Variants in PGGT1B observed in about 807,000 individuals in gnomAD.
PGGT1B encodes the protein geranylgeranyl transferase type-1 subunit beta.
Under a neutral mutation model 46.1 loss-of-function variants are expected in PGGT1B, and 30 were observed. The ratio of observed to expected loss-of-function variants is 0.65; its 90% confidence interval spans 0.49 to 0.88. PGGT1B has a LOEUF of 0.88. Among genes scored for constraint, PGGT1B ranks in the 40% least tolerant of loss-of-function variants. The pLI is 0.00. For missense variants in PGGT1B, 376 were observed against 455.9 expected (o/e 0.82, Z 1.60); for synonymous variants, 170 against 160.0 (o/e 1.06, Z -0.47).
At chr5:115,232,206 C>T (rs1488561344) in intron 5 of PGGT1B, among the ~76,000 whole-genome samples, 1 of 152,012 alleles carries the variant, frequency 6.6e-6, no homozygotes, top group African/African-American at 2.4e-5. Flanking sequence ...GATAATATTG[C>T]TGTTTGAGAC....
chr5:115,254,883 G>A (rs148918135), intron 1 of PGGT1B, among the ~76,000 whole-genome samples: 2 of 152,160 alleles, frequency 1.3e-5, no homozygotes, highest in East Asian at 3.9e-4. Context: ...ATTTGAATTA[G>A]AGAGGTAATT....
At chr5:115,223,114 TA>T (rs970358115) in intron 6 of PGGT1B, among the ~76,000 whole-genome samples, 2,337 of 133,276 alleles carry the variant, frequency 0.018, 50 homozygotes, top group African/African-American at 0.058. Flanking sequence ...ACTTAAAGTA[TA>T]AAAAAAAAAA....
In PGGT1B at chr5:115,204,022, A is replaced by G. The variant is rs1024720202; in HGVS notation, c.*8380T>C. The stretch of plus-strand genomic sequence containing the variant: ...CCATTTGAGAAAACGTTTTCTTTGC[A>G]TATCTGAGTATTTATTATGTTTTCG... On this transcript the variant is annotated 3_prime_UTR_variant, in exon 9 of 9. Transcript: ENST00000419445. The G allele has an allele frequency of 1.3e-5, 2 of 152,132 alleles. No individual in the cohort carries two copies. Among genetic ancestry groups the G allele is most frequent in the African/African-American group, 4.8e-5 (2 of 41,424 alleles). 9.4% of individuals were successfully genotyped at this position (152,132 alleles called of 1,614,324 possible). A position where few individuals can be genotyped will look rare whatever the true frequency, so the allele number is the denominator to read the frequency against.
chr5:115,235,622 C>T (rs1386946979), intron 5 of PGGT1B, among the ~76,000 whole-genome samples: 1 of 152,096 alleles, frequency 6.6e-6, no homozygotes, highest in Non-Finnish European at 1.5e-5. Flanking sequence ...AAATTCTTAT[C>T]ACCCACCCTC....
chr5:115,227,865 G>A (rs1484085396), intron 6 of PGGT1B, among the ~76,000 whole-genome samples: 5 of 152,158 alleles, frequency 3.3e-5, no homozygotes, highest in Non-Finnish European at 7.3e-5. Context: ...ATGGTAGTGG[G>A]CAAACAGCAG....
intron 1 of PGGT1B, among the ~76,000 whole-genome samples, chr5:115,254,752 C>T (rs1028792486): frequency 1.3e-5 from 2 of 152,052 alleles, no homozygotes; most frequent in South Asian, 2.1e-4. Context: ...GATTTGGGTG[C>T]ACTTCAGAAA....
rs548127514 is a variant in PGGT1B at position 115,257,932 on chromosome 5, T to G, written c.141-4677A>C. ...TACTAGCACATAGATGCTGCCATAA[T>G]ACTTCGAAACAAATGACTGAAAGAC... On this transcript the variant is annotated intron_variant, in intron 1 of 8. Coordinates refer to ENST00000419445, the MANE Select transcript of PGGT1B (RefSeq NM_005023.4). Among the ~76,000 whole-genome samples, 55 of 152,348 alleles carry G rather than the reference T, an allele frequency of 3.6e-4. No homozygotes were observed. The South Asian group carries it at 4.6e-3, about 13-fold the overall frequency.
chr5:115,258,496 A>G (rs1748419123), intron 1 of PGGT1B, among the ~76,000 whole-genome samples: 1 of 152,184 alleles, frequency 6.6e-6, no homozygotes, highest in Non-Finnish European at 1.5e-5. Context: ...GCTTTCCATG[A>G]TCTGATGCAT....
intron 4 of PGGT1B, 100 bp downstream of exon 4, chr5:115,237,758 G>C: frequency 1.0e-6 from 1 of 964,678 alleles, no homozygotes. Context: ...GGTTCTAATA[G>C]AGTATGATCC....
intron 1 of PGGT1B, among the ~76,000 whole-genome samples, chr5:115,261,461 C>T (rs1258107469): frequency 6.6e-6 from 1 of 152,140 alleles, no homozygotes; most frequent in Non-Finnish European, 1.5e-5. Flanking sequence ...GAAACAATTG[C>T]CACTGGCCAA....
chr5:115,260,380 T>G (rs376912319), intron 1 of PGGT1B, among the ~76,000 whole-genome samples: 3 of 152,084 alleles, frequency 2.0e-5, no homozygotes, highest in African/African-American at 7.2e-5. Flanking sequence ...CCTAGACACA[T>G]GGGGAGGCAC....
chr5:115,258,324 G>C (rs1016417971), intron 1 of PGGT1B, among the ~76,000 whole-genome samples: 2 of 152,074 alleles, frequency 1.3e-5, no homozygotes, highest in African/African-American at 4.8e-5. Flanking sequence ...CTCTTTTCTA[G>C]CCCTACTTCA....
chr5:115,221,183 C>T (rs1756575866), intron 7 of PGGT1B, among the ~76,000 whole-genome samples: 1 of 151,858 alleles, frequency 6.6e-6, no homozygotes, highest in African/African-American at 2.4e-5. Context: ...ACTCCTCTAA[C>T]AGACTCCTGT....
intron 7 of PGGT1B, among the ~76,000 whole-genome samples, chr5:115,219,970 AATGGAACTCTC>A (rs1756537605): frequency 2.0e-5 from 3 of 151,872 alleles, no homozygotes; most frequent in African/African-American, 7.2e-5. Context: ...ATGTAGAGAA[AATGGAACTCTC>A]ATACATTGCT....
In PGGT1B at chr5:115,221,917, C is replaced by T. The variant is rs1561471906; in HGVS notation, c.750G>A (p.Arg250=). 2 of 1,608,250 alleles carry T rather than the reference C, an allele frequency of 1.2e-6. No individual in the cohort carries two copies. The highest frequency in any genetic ancestry group is 1.7e-6 in the Non-Finnish European group (2 of 1,176,392). The stretch of plus-strand genomic sequence containing the variant: ...CATTTTGTTGCCTCATTATACACCA[C>T]CTCTTTATCCTGTTCAATTCTTTTT... The part of the protein sequence containing the change: ...FSEKELNRIK[R]WCIMRQQNGY... Residue 250 remains arginine (R), a synonymous_variant, in exon 7 of 9, where the codon AGG becomes AGA. Transcript: ENST00000419445.
rs1435689366 is a variant in PGGT1B at position 115,204,647 on chromosome 5, T to C, written c.*7755A>G. 1.3e-5 allele frequency: 2 copies of C among 152,094 alleles called. No individual in the cohort carries two copies. Among genetic ancestry groups the C allele is most frequent in the African/African-American group, 4.8e-5 (2 of 41,408 alleles). 9.4% of individuals were successfully genotyped at this position (152,094 alleles called of 1,614,324 possible). On this transcript the variant is annotated 3_prime_UTR_variant, in exon 9 of 9. Coordinates refer to ENST00000419445, the MANE Select transcript of PGGT1B (RefSeq NM_005023.4). ...GGCACTCTCATACCTTGTTGTTGAG[T>C]TTATGAATGGCTACACTGTTTCTGG...
chr5:115,256,159 T>C (rs1748302865), intron 1 of PGGT1B, among the ~76,000 whole-genome samples: 1 of 152,204 alleles, frequency 6.6e-6, no homozygotes, highest in African/African-American at 2.4e-5. Flanking sequence ...CAAACATTCT[T>C]GGTTGTCACA....
intron 6 of PGGT1B, among the ~76,000 whole-genome samples, chr5:115,227,885 A>T (rs1756839489): frequency 6.6e-6 from 1 of 152,178 alleles, no homozygotes. Flanking sequence ...GCTGGTTAAT[A>T]AATACATTAT....
intron 2 of PGGT1B, among the ~76,000 whole-genome samples, chr5:115,242,216 T>C (rs1757368539): frequency 6.6e-6 from 1 of 152,204 alleles, no homozygotes; most frequent in African/African-American, 2.4e-5. Flanking sequence ...TCAATCAAAA[T>C]ATGTTTATCC....
Sources: gnomAD v4.1 joint callset for allele counts (sites outside exome capture counted in the v4.1 genomes callset) on GRCh38, gnomAD v4.1.1 for gene constraint, MANE v1.5 for transcripts, NCBI Gene and HGNC (gene_info 2026-07-23, HGNC 2026-07-21) for gene names.